The following CHCHD6 variants were observed in gnomAD, a reference collection of about 807,000 sequenced individuals.
CHCHD6 encodes the protein coiled-coil-helix-coiled-coil-helix domain containing 6, also known as MICOS complex subunit MIC25.
In CHCHD6, 28 loss-of-function variants were observed where a neutral mutation model predicts 32.3. The observed-to-expected ratio is 0.87, with a 90% CI of 0.64 to 1.19. CHCHD6 has a LOEUF of 1.19. CHCHD6 is among the 50% of genes most tolerant of loss of function. The pLI is 0.00. For synonymous variants in CHCHD6, 122 were observed against 117.5 expected (o/e 1.04, Z -0.25); for missense variants, 333 against 307.0 (o/e 1.08, Z -0.63).
intron 5 of CHCHD6, among the ~76,000 whole-genome samples, chr3:126,911,853 A>G (rs1351131504): frequency 6.6e-6 from 1 of 152,234 alleles, no homozygotes; most frequent in Non-Finnish European, 1.5e-5. Context: ...GGTTGGCAAC[A>G]GGTGCCTGGG....
intron 4 of CHCHD6, among the ~76,000 whole-genome samples, chr3:126,822,614 C>T (rs2107537103): frequency 6.6e-6 from 1 of 152,312 alleles, no homozygotes; most frequent in South Asian, 2.1e-4. Context: ...AAAAAGGCAG[C>T]TGAGATTTTG....
At chr3:126,822,719 A>G (rs1483203210) in intron 4 of CHCHD6, among the ~76,000 whole-genome samples, 2 of 120,656 alleles carry the variant, frequency 1.7e-5, no homozygotes, top group Non-Finnish European at 3.3e-5. Context: ...TTAGGTAGGA[A>G]TATCAATTTT....
At chr3:126,878,124 A>T (rs2077563889) in intron 5 of CHCHD6, among the ~76,000 whole-genome samples, 1 of 152,244 alleles carries the variant, frequency 6.6e-6, no homozygotes, top group Non-Finnish European at 1.5e-5. Flanking sequence ...AATGGAATGG[A>T]GGAAGAAAGA....
rs2078146351 is a variant in CHCHD6 at position 126,914,806 on chromosome 3, A to G, written c.566+56A>G. 2 of 1,026,588 alleles carry G rather than the reference A, an allele frequency of 1.9e-6. 1 individual carries two copies. The highest frequency in any genetic ancestry group is 2.6e-5 in the South Asian group (2 of 78,070). 63.6% of individuals were successfully genotyped at this position (1,026,588 alleles called of 1,614,324 possible). On this transcript the variant is annotated intron_variant, in intron 6 of 7. Coordinates refer to ENST00000290913, the MANE Select transcript of CHCHD6 (RefSeq NM_032343.3). Reference sequence around the variant, plus strand: ...TTGGCCCACAATTGTAAAAATTCCCACATGTGGCTTGAAACCTGCCACCAC... The same window carrying G: ...TTGGCCCACAATTGTAAAAATTCCCGCATGTGGCTTGAAACCTGCCACCAC...
intron 6 of CHCHD6, among the ~76,000 whole-genome samples, chr3:126,924,330 G>A (rs969302308): frequency 6.6e-5 from 10 of 152,170 alleles, no homozygotes; most frequent in African/African-American, 1.7e-4. Flanking sequence ...TGGTTAGTTC[G>A]GAGAAGTTCA....
intron 6 of CHCHD6, chr3:126,949,995 G>A (rs2078694926): frequency 6.5e-6 from 1 of 152,892 alleles, no homozygotes; most frequent in African/African-American, 2.4e-5. Flanking sequence ...AGTCTTCAGA[G>A]ACACTTGTCA....
Position 126,842,015 on chromosome 3 carries a change from T to G in CHCHD6, c.412-10632T>G, listed in dbSNP as rs138793630. 8.6e-3 allele frequency among the ~76,000 whole-genome samples: 1,298 copies of G among 151,718 alleles called. 10 individuals are homozygous for G. Among genetic ancestry groups the G allele is most frequent in the Middle Eastern group, 0.017 (5 of 292 alleles). ...TGTAATCCCAACACTTTGGGAGGCC[T>G]AGGTGGGAGGATGGCTTGAGCCCAG... On this transcript the variant is annotated intron_variant, in intron 4 of 7. Coordinates refer to ENST00000290913, the MANE Select transcript of CHCHD6 (RefSeq NM_032343.3).
intron 6 of CHCHD6, among the ~76,000 whole-genome samples, chr3:126,950,245 G>A (rs146109651): frequency 6.6e-6 from 1 of 152,206 alleles, no homozygotes; most frequent in African/African-American, 2.4e-5. Flanking sequence ...AGAAAAAGTT[G>A]TATGCAGGGT....
intron 5 of CHCHD6, among the ~76,000 whole-genome samples, chr3:126,898,240 C>T (rs1559910349): frequency 6.6e-6 from 1 of 152,234 alleles, no homozygotes; most frequent in Non-Finnish European, 1.5e-5. Flanking sequence ...TAAAGCTGAA[C>T]ATTAAAACTT....
chr3:126,864,962 T>TCATCTCCTCCTCCAC (rs1559890732), intron 5 of CHCHD6, among the ~76,000 whole-genome samples: 68 of 100,442 alleles, frequency 6.8e-4, no homozygotes, highest in African/African-American at 4.0e-3. Context: ...TCCTCCTCCA[T>TCATCTCCTCCTCCAC]CACCACCTCC....
At chr3:126,896,129 G>T (rs1197697812) in intron 5 of CHCHD6, among the ~76,000 whole-genome samples, 3 of 151,736 alleles carry the variant, frequency 2.0e-5, no homozygotes, top group Non-Finnish European at 4.4e-5. Context: ...TGAGGAGAGA[G>T]ATGCTATTTT....
chr3:126,749,458 C>A (rs1178483240), intron 4 of CHCHD6, among the ~76,000 whole-genome samples: 1 of 152,250 alleles, frequency 6.6e-6, no homozygotes, highest in African/African-American at 2.4e-5. Context: ...AGCCAGATGC[C>A]CTTTTTTGAC....
intron 1 of CHCHD6, among the ~76,000 whole-genome samples, chr3:126,713,352 T>G (rs1934852192): frequency 1.3e-5 from 2 of 152,324 alleles, no homozygotes; most frequent in South Asian, 4.1e-4. Context: ...GAGTTGAGGC[T>G]GATTGTGTCA....
chr3:126,881,474 A>G (rs1039518867), intron 5 of CHCHD6, among the ~76,000 whole-genome samples: 3 of 152,246 alleles, frequency 2.0e-5, no homozygotes, highest in Non-Finnish European at 4.4e-5. Context: ...GTGTGTTGAC[A>G]GACTTGAATG....
intron 4 of CHCHD6, among the ~76,000 whole-genome samples, chr3:126,762,080 T>A (rs1296402129): frequency 6.6e-6 from 1 of 152,200 alleles, no homozygotes; most frequent in Non-Finnish European, 1.5e-5. Flanking sequence ...ATTTTGTTGA[T>A]CTTTTAAAAG....
intron 5 of CHCHD6, among the ~76,000 whole-genome samples, chr3:126,903,196 G>T (rs2077956368): frequency 6.6e-6 from 1 of 152,210 alleles, no homozygotes; most frequent in East Asian, 1.9e-4. Flanking sequence ...ACTCCACCTG[G>T]AAGTGGAACT....
At chr3:126,867,326 G>A (rs558734095) in intron 5 of CHCHD6, among the ~76,000 whole-genome samples, 1 of 152,328 alleles carries the variant, frequency 6.6e-6, no homozygotes, top group East Asian at 1.9e-4. Flanking sequence ...ATCTCAAAGT[G>A]ATTCCTACAC....
At chr3:126,724,601 A>C (rs1283164575) in intron 1 of CHCHD6, among the ~76,000 whole-genome samples, 3 of 152,122 alleles carry the variant, frequency 2.0e-5, no homozygotes, top group African/African-American at 7.2e-5. Context: ...ACAACAATGA[A>C]GTTTGCCACA....
At chr3:126,727,904 T>C (rs1030446477) in intron 2 of CHCHD6, among the ~76,000 whole-genome samples, 3 of 152,104 alleles carry the variant, frequency 2.0e-5, no homozygotes, top group African/African-American at 7.2e-5. Flanking sequence ...AAAAAAGTCC[T>C]TGGAGCAACT....
Sources: allele counts gnomAD v4.1 joint callset (sites outside exome capture counted in the v4.1 genomes callset), GRCh38; gene constraint gnomAD v4.1.1; transcripts MANE v1.5; gene names NCBI Gene and HGNC (gene_info 2026-07-23, HGNC 2026-07-21).